Variants in ENPP6 observed in about 807,000 individuals in gnomAD.
ENPP6 encodes ectonucleotide pyrophosphatase/phosphodiesterase 6.
In ENPP6, 32 loss-of-function variants were observed where a neutral mutation model predicts 42.0. The ratio of observed to expected loss-of-function variants is 0.76; its 90% CI spans 0.58 to 1.02. The LOEUF is 1.02. Ranked by LOEUF, ENPP6 falls within the 50% of genes least tolerant of loss-of-function variation. The pLI is 0.00. For synonymous variants in ENPP6, 213 were observed against 216.0 expected, an observed-to-expected ratio of 0.99 and a Z score of 0.12; for missense variants, 552 against 566.8, an observed-to-expected ratio of 0.97 and a Z score of 0.27.
intron 2 of ENPP6, among the ~76,000 whole-genome samples, chr4:184,149,845 T>C (rs1417561882): frequency 6.6e-6 from 1 of 152,220 alleles, no homozygotes; most frequent in Non-Finnish European, 1.5e-5. Flanking sequence ...GCTGCATTTC[T>C]ACACCATATC....
rs572354259 is a variant in ENPP6, at chr4:184,174,503, T to C, written c.242-20770A>G. ...CTTGTAAGAATGGAAACATCTACTC[T>C]CTGTGAGCACTGTGCTGTGAGGGTT... is the stretch of plus-strand genomic sequence containing the variant. On this transcript the variant is annotated intron_variant, in intron 1 of 7. Coordinates refer to ENST00000296741, the MANE Select transcript of ENPP6 (RefSeq NM_153343.4). 2.6e-5 allele frequency among the ~76,000 whole-genome samples: 4 copies of C among 152,196 alleles called. No individual in the cohort carries two copies. The South Asian group carries it at 8.3e-4, about 32-fold the overall frequency.
At chr4:184,182,491 C>A (rs1399668486) in intron 1 of ENPP6, among the ~76,000 whole-genome samples, 3 of 151,964 alleles carry the variant, frequency 2.0e-5, no homozygotes, top group Non-Finnish European at 2.9e-5. Context: ...ACCATTTGAC[C>A]CAGGATTCCT....
At position 184,213,393 on chromosome 4, in the gene ENPP6, G is replaced by GA. The variant is rs1189381267; in HGVS notation, c.241+4185dup. Among the ~76,000 whole-genome samples, 6 of 151,852 alleles carry GA rather than the reference G, an allele frequency of 4.0e-5. No homozygotes were observed. In the East Asian group the frequency reaches 9.7e-4, roughly 24 times the overall value. On this transcript the variant is annotated intron_variant, in intron 1 of 7. Coordinates refer to ENST00000296741, the MANE Select transcript of ENPP6 (RefSeq NM_153343.4). Reference sequence around the variant, plus strand: ...ACGATGAACTCAAACAAATTTACAAGAAAAAAACAAACAACCCCATCAAAA... The same window carrying GA: ...ACGATGAACTCAAACAAATTTACAAGAAAAAAAACAAACAACCCCATCAAAA...
chr4:184,150,221 T>A (rs1309303647), intron 2 of ENPP6, among the ~76,000 whole-genome samples: 2 of 151,962 alleles, frequency 1.3e-5, no homozygotes, highest in Non-Finnish European at 2.9e-5. Flanking sequence ...CCTCAAGACT[T>A]GAGGTGGAGT....
At chr4:184,207,292 G>A (rs891017175) in intron 1 of ENPP6, among the ~76,000 whole-genome samples, 2 of 152,220 alleles carry the variant, frequency 1.3e-5, no homozygotes, top group Non-Finnish European at 2.9e-5. Context: ...TTAACCGGAA[G>A]TGTTTGAAAA....
At chr4:184,144,015 G>A (rs1046014571) in intron 2 of ENPP6, among the ~76,000 whole-genome samples, 1 of 152,200 alleles carries the variant, frequency 6.6e-6, no homozygotes, top group East Asian at 1.9e-4. Context: ...ACAGCCAAGG[G>A]CCCACAGACT....
chr4:184,132,918 G>A (rs1186094694), intron 2 of ENPP6, among the ~76,000 whole-genome samples: 1 of 151,164 alleles, frequency 6.6e-6, no homozygotes. Context: ...TTGTGGGAGT[G>A]TCACGGTCAT....
At chr4:184,206,892 A>T (rs1733009646) in intron 1 of ENPP6, among the ~76,000 whole-genome samples, 1 of 152,150 alleles carries the variant, frequency 6.6e-6, no homozygotes, top group South Asian at 2.1e-4. Context: ...TGTCTTGGGG[A>T]GATCTCTATC....
chr4:184,217,577 A>C lies in ENPP6; in HGVS notation c.241+2T>G, dbSNP rs767836374. Reference sequence around the variant, plus strand: ...CTGCCCAGAAGAGGACATGGTACTCACCAGTCATTAGGGTATAATAATTGG... The same window carrying C: ...CTGCCCAGAAGAGGACATGGTACTCCCCAGTCATTAGGGTATAATAATTGG... On this transcript the variant is annotated splice_donor_variant, in intron 1 of 7. Transcript: ENST00000296741. LOFTEE classifies it high-confidence loss of function. 1 of 1,614,184 alleles carries C rather than the reference A, an allele frequency of 6.2e-7. No homozygotes were observed. Among genetic ancestry groups the C allele is most frequent in the South Asian group, 1.1e-5 (1 of 91,088 alleles).
intron 2 of ENPP6, among the ~76,000 whole-genome samples, chr4:184,127,534 C>T (rs74628600): frequency 0.025 from 3,850 of 152,222 alleles, 110 homozygotes; most frequent in Admixed American, 0.081. Flanking sequence ...AATAAAAAAG[C>T]AAGACCTGAG....
At chr4:184,206,329 C>T (rs1475885166) in intron 1 of ENPP6, among the ~76,000 whole-genome samples, 3 of 113,180 alleles carry the variant, frequency 2.7e-5, no homozygotes, top group South Asian at 6.2e-4. Context: ...GCGATCTCGG[C>T]TCACTGCAAG....
At chr4:184,162,114 A>G (rs1737271370) in intron 1 of ENPP6, among the ~76,000 whole-genome samples, 1 of 151,766 alleles carries the variant, frequency 6.6e-6, no homozygotes, top group African/African-American at 2.4e-5. Flanking sequence ...CCTGGCCACC[A>G]CTCTCAAGGA....
chr4:184,207,999 T>C (rs1203416973), intron 1 of ENPP6, among the ~76,000 whole-genome samples: 1 of 147,874 alleles, frequency 6.8e-6, no homozygotes, highest in African/African-American at 2.5e-5. Flanking sequence ...CCCGCTCTAA[T>C]GGCCTTGTTT....
intron 7 of ENPP6, 33 bp from the exon 8 acceptor site, chr4:184,091,415 T>C (rs1016487150): frequency 7.0e-6 from 11 of 1,576,592 alleles, no homozygotes; most frequent in African/African-American, 1.3e-5. Flanking sequence ...CAAGTTGTCA[T>C]GGCAGCTCCA....
chr4:184,162,970 G>T (rs1393669924), intron 1 of ENPP6, among the ~76,000 whole-genome samples: 3 of 152,174 alleles, frequency 2.0e-5, no homozygotes, highest in Non-Finnish European at 4.4e-5. Context: ...ATAGCAAGTG[G>T]ACCTGCCTCT....
intron 5 of ENPP6, among the ~76,000 whole-genome samples, chr4:184,115,996 A>C (rs1379332664): frequency 6.6e-6 from 1 of 151,992 alleles, no homozygotes; most frequent in Non-Finnish European, 1.5e-5. Context: ...CAGGTGGATC[A>C]CGAGGTCAGG....
At chr4:184,161,614 A>G (rs1024835682) in intron 1 of ENPP6, among the ~76,000 whole-genome samples, 1 of 152,218 alleles carries the variant, frequency 6.6e-6, no homozygotes, top group Non-Finnish European at 1.5e-5. Context: ...TAATTGCAAA[A>G]ATAGGGAATC....
At chr4:184,103,323 G>A (rs1430469701) in intron 6 of ENPP6, among the ~76,000 whole-genome samples, 1 of 152,224 alleles carries the variant, frequency 6.6e-6, no homozygotes, top group Non-Finnish European at 1.5e-5. Context: ...CTCCCTTGAG[G>A]CATCACAACA....
chr4:184,138,259 T>C lies in ENPP6; in HGVS notation c.422-13987A>G, dbSNP rs1736762598. ...AGAAAGTTGTTCACATAAATAAATA[T>C]ATAGAAATAGAAGGAGTTTTTGTAC... On this transcript the variant is annotated intron_variant, in intron 2 of 7. Transcript: ENST00000296741. Among the ~76,000 whole-genome samples the C allele has an allele frequency of 2.0e-5, 3 of 152,236 alleles. No individual in the cohort carries two copies. In the South Asian group the frequency reaches 6.2e-4, roughly 31 times the overall value.
Sources: gnomAD v4.1 joint callset for allele counts (sites outside exome capture counted in the v4.1 genomes callset) on GRCh38, gnomAD v4.1.1 for gene constraint, MANE v1.5 for transcripts, NCBI Gene and HGNC (gene_info 2026-07-23, HGNC 2026-07-21) for gene names.